The following ADAMTSL1 variants were observed in gnomAD, a reference collection of about 807,000 sequenced individuals.
ADAMTSL1 encodes ADAMTS like 1.
ADAMTSL1 carries 126 observed loss-of-function variants against 201.8 expected under a neutral mutation model. The observed-to-expected ratio is 0.62, with a 90% CI of 0.54 to 0.72. The LOEUF (loss-of-function observed/expected upper bound fraction) is 0.72, where lower values mean the gene tolerates loss of function less well. Ranked by LOEUF, ADAMTSL1 falls within the 30% of genes least tolerant of loss-of-function variation. ADAMTSL1 has a pLI of 0.00. For missense variants in ADAMTSL1, 2,679 were observed against 2,277.8 expected, an observed-to-expected ratio of 1.18 and a Z score of -3.59; for synonymous variants, 1,121 against 903.4, an observed-to-expected ratio of 1.24 and a Z score of -4.32.
chr9:18,266,426 A>G (rs1832119805), intron 2 of ADAMTSL1, among the ~76,000 whole-genome samples: 1 of 152,226 alleles, frequency 6.6e-6, no homozygotes, highest in South Asian at 2.1e-4. Context: ...AACCAAACTG[A>G]TTTGAGTAGA....
At chr9:18,229,454 T>C (rs567494139) in intron 2 of ADAMTSL1, among the ~76,000 whole-genome samples, 1 of 152,014 alleles carries the variant, frequency 6.6e-6, no homozygotes, top group Admixed American at 6.5e-5. Context: ...AGGAAATAAA[T>C]GTAGATGGAG....
At chr9:18,584,316 T>C (rs111400508) in intron 4 of ADAMTSL1, among the ~76,000 whole-genome samples, 3 of 151,474 alleles carry the variant, frequency 2.0e-5, no homozygotes, top group Admixed American at 2.0e-4. Context: ...CTCTCTTCTT[T>C]TGTCTGCCAC....
At chr9:18,582,278 T>C (rs1336126213) in intron 4 of ADAMTSL1, among the ~76,000 whole-genome samples, 1 of 152,176 alleles carries the variant, frequency 6.6e-6, no homozygotes, top group Non-Finnish European at 1.5e-5. Context: ...TCTCAGTTTA[T>C]CTCTTGGCTC....
intron 2 of ADAMTSL1, among the ~76,000 whole-genome samples, chr9:18,233,280 T>C (rs888984686): frequency 6.6e-6 from 1 of 152,284 alleles, no homozygotes; most frequent in Middle Eastern, 3.4e-3. Context: ...AGCAGATAAA[T>C]TGGAAAGTGT....
intron 13 of ADAMTSL1, among the ~76,000 whole-genome samples, chr9:18,689,706 G>A (rs900530339): frequency 6.6e-6 from 1 of 152,172 alleles, no homozygotes; most frequent in Non-Finnish European, 1.5e-5. Context: ...GAAGCAATGG[G>A]ATATGCCAGT....
chr9:18,041,437 A>G (rs117564212), intron 1 of ADAMTSL1, among the ~76,000 whole-genome samples: 3,476 of 152,306 alleles, frequency 0.023, 49 homozygotes, highest in Middle Eastern at 0.041. Context: ...CATTCCATTT[A>G]TGGAATAAAG....
intron 1 of ADAMTSL1, among the ~76,000 whole-genome samples, chr9:18,017,234 G>A (rs1389644338): frequency 1.3e-5 from 2 of 152,016 alleles, no homozygotes; most frequent in African/African-American, 4.8e-5. Context: ...AAAATACAAG[G>A]TGGTGGTGAT....
intron 16 of ADAMTSL1, among the ~76,000 whole-genome samples, chr9:18,754,625 A>C (rs1040214851): frequency 6.6e-6 from 1 of 152,210 alleles, no homozygotes; most frequent in African/African-American, 2.4e-5. Context: ...CCAGGCAGCC[A>C]CGTGTCCTCT....
At chr9:18,662,159 AAAAAT>A (rs1829136269) in intron 9 of ADAMTSL1, 86 bp downstream of exon 9, 3 of 1,484,704 alleles carry the variant, frequency 2.0e-6, no homozygotes, top group Admixed American at 4.1e-5. Context: ...CGTTTTAATT[AAAAAT>A]AAAATGAAAT....
intron 1 of ADAMTSL1, among the ~76,000 whole-genome samples, chr9:18,157,910 T>A (rs912846573): frequency 1.3e-5 from 2 of 151,902 alleles, no homozygotes; most frequent in African/African-American, 4.8e-5. Flanking sequence ...ATCTTTTTCT[T>A]CCCCCAGACA....
At chr9:18,106,168 G>A (rs1166548541) in intron 1 of ADAMTSL1, among the ~76,000 whole-genome samples, 1 of 152,180 alleles carries the variant, frequency 6.6e-6, no homozygotes, top group Non-Finnish European at 1.5e-5. Context: ...ACTGCTTAAG[G>A]CAGGCAGCTC....
chr9:18,757,561 T>A (rs1283149612), intron 16 of ADAMTSL1, among the ~76,000 whole-genome samples: 2 of 151,964 alleles, frequency 1.3e-5, no homozygotes, highest in African/African-American at 4.8e-5. Context: ...CAGGCATGGC[T>A]CTCCCATCCC....
At position 18,322,599 on chromosome 9, in the gene ADAMTSL1, C is replaced by T. The variant is rs546078625; in HGVS notation, c.207+158618C>T. Among the ~76,000 whole-genome samples, 32 of 152,232 alleles carry T rather than the reference C, an allele frequency of 2.1e-4. No homozygotes were observed. The South Asian group carries it at 6.6e-3, about 32-fold the overall frequency. ...AGTGAGCCGAGATTGTGCCACTGCA[C>T]ACTCCAGCCTGGGTGACGAGAGCAA... is the stretch of plus-strand genomic sequence containing the variant. On this transcript the variant is annotated intron_variant, in intron 2 of 29. Coordinates refer to the ADAMTSL1 transcript ENST00000680146.
At position 18,777,406 on chromosome 9, in the gene ADAMTSL1, T is replaced by A. The variant is rs1209406582; in HGVS notation, c.3177T>A (p.Gly1059=). ...ERNTTSEEDP[G]AEQVLLHLPF... is the part of the protein sequence containing the mutation. ...ACACGACCTCGGAGGAGGACCCGGGTGCAGAGCAAGTGCTCCTGCACCTGC... is the reference window on the plus strand; with the variant it reads ...ACACGACCTCGGAGGAGGACCCGGGAGCAGAGCAAGTGCTCCTGCACCTGC... Residue 1059 remains glycine (G), a synonymous_variant, in exon 19 of 29, where the codon GGT becomes GGA. Coordinates refer to ENST00000380548, the MANE Select transcript of ADAMTSL1 (RefSeq NM_001040272.6). 3.7e-6 allele frequency: 6 copies of A among 1,601,958 alleles called. No individual in the cohort carries two copies. The highest frequency in any genetic ancestry group is 1.7e-5 in the Admixed American group (1 of 58,492).
intron 4 of ADAMTSL1, among the ~76,000 whole-genome samples, chr9:18,590,556 T>A (rs1277809291): frequency 6.6e-6 from 1 of 152,054 alleles, no homozygotes; most frequent in Non-Finnish European, 1.5e-5. Context: ...CTGCTACTAA[T>A]TTAGGGTTTA....
intron 1 of ADAMTSL1, among the ~76,000 whole-genome samples, chr9:18,062,975 A>G (rs1261262613): frequency 6.6e-6 from 1 of 152,198 alleles, no homozygotes; most frequent in Non-Finnish European, 1.5e-5. Flanking sequence ...AGAAAAATTA[A>G]CTTTATTAAA....
At chr9:18,018,348 T>C (rs1423097682) in intron 1 of ADAMTSL1, among the ~76,000 whole-genome samples, 1 of 152,108 alleles carries the variant, frequency 6.6e-6, no homozygotes, top group Non-Finnish European at 1.5e-5. Context: ...TAAGACTGTC[T>C]GAAATAATCC....
At chr9:18,018,889 T>A (rs893980720) in intron 1 of ADAMTSL1, among the ~76,000 whole-genome samples, 6 of 152,052 alleles carry the variant, frequency 3.9e-5, no homozygotes, top group African/African-American at 1.4e-4. Flanking sequence ...AGTGGGAGCA[T>A]TGCCATAACA....
chr9:18,417,610 T>A (rs1374846005), intron 2 of ADAMTSL1, among the ~76,000 whole-genome samples: 1 of 152,112 alleles, frequency 6.6e-6, no homozygotes, highest in African/African-American at 2.4e-5. Context: ...ACAACTCTGC[T>A]CATCTAAATT....
Sources: gnomAD v4.1 joint callset for allele counts (sites outside exome capture counted in the v4.1 genomes callset) on GRCh38, gnomAD v4.1.1 for gene constraint, MANE v1.5 for transcripts, NCBI Gene and HGNC (gene_info 2026-07-23, HGNC 2026-07-21) for gene names.